The following CNTNAP2 variants were observed in gnomAD, a reference collection of about 807,000 sequenced individuals.
The protein encoded by CNTNAP2 is contactin-associated protein-like 2.
Under a neutral mutation model 155.2 loss-of-function variants are expected in CNTNAP2, and 98 were observed. The ratio of observed to expected loss-of-function variants is 0.63; its 90% CI spans 0.54 to 0.75. The LOEUF is 0.75. Among genes scored for constraint, CNTNAP2 ranks in the 30% least tolerant of loss-of-function variants. The pLI, the probability that CNTNAP2 is intolerant of heterozygous loss-of-function variation, is 0.00. For missense variants in CNTNAP2, 1,727 were observed against 1,688.1 expected (o/e 1.02, Z -0.40); for synonymous variants, 651 against 631.2 (o/e 1.03, Z -0.47).
chr7:147,712,246 A>G (rs1300817223), intron 13 of CNTNAP2, among the ~76,000 whole-genome samples: 2 of 152,194 alleles, frequency 1.3e-5, no homozygotes, highest in African/African-American at 4.8e-5. Flanking sequence ...TCAGGAAACA[A>G]CAGGTGCTGG....
intron 9 of CNTNAP2, among the ~76,000 whole-genome samples, chr7:147,354,175 A>G (rs1796020455): frequency 6.6e-6 from 1 of 151,990 alleles, no homozygotes; most frequent in South Asian, 2.1e-4. Context: ...TTTTGTTGCC[A>G]TTGCTGTTGG....
At chr7:147,910,246 G>T (rs1761785572) in intron 14 of CNTNAP2, among the ~76,000 whole-genome samples, 1 of 152,088 alleles carries the variant, frequency 6.6e-6, no homozygotes. Context: ...CTTACTCAAA[G>T]TGAAATATTT....
At chr7:147,935,034 C>T (rs559862676) in intron 14 of CNTNAP2, among the ~76,000 whole-genome samples, 21 of 150,986 alleles carry the variant, frequency 1.4e-4, no homozygotes, top group South Asian at 6.3e-4. Flanking sequence ...GTTTTAGATA[C>T]GTCCTTTGGT....
chr7:148,368,819 C>T (rs1798831713), intron 21 of CNTNAP2, among the ~76,000 whole-genome samples: 1 of 152,058 alleles, frequency 6.6e-6, no homozygotes, highest in South Asian at 2.1e-4. Flanking sequence ...CAGACTGAGA[C>T]AGAACAGACC....
At chr7:146,562,321 T>G (rs1408810083) in intron 1 of CNTNAP2, among the ~76,000 whole-genome samples, 1 of 152,092 alleles carries the variant, frequency 6.6e-6, no homozygotes, top group African/African-American at 2.4e-5. Context: ...CTCATTTTAT[T>G]GATAGGGTAT....
chr7:147,535,435 C>T (rs1294666276), intron 11 of CNTNAP2, among the ~76,000 whole-genome samples: 3 of 151,798 alleles, frequency 2.0e-5, no homozygotes, highest in Non-Finnish European at 4.4e-5. Context: ...AAGGTGGCCA[C>T]CAGCTGTGTC....
At chr7:146,890,685 G>C (rs946700650) in intron 3 of CNTNAP2, among the ~76,000 whole-genome samples, 4 of 152,056 alleles carry the variant, frequency 2.6e-5, no homozygotes, top group African/African-American at 9.7e-5. Flanking sequence ...ATGTATCTTG[G>C]TATTTACATC....
chr7:148,347,673 T>C (rs1798350541), intron 21 of CNTNAP2, among the ~76,000 whole-genome samples: 1 of 152,048 alleles, frequency 6.6e-6, no homozygotes, highest in African/African-American at 2.4e-5. Context: ...AAAACACATA[T>C]CAGAAATAAG....
chr7:146,832,485 G>T (rs1005450138), intron 2 of CNTNAP2, among the ~76,000 whole-genome samples: 3 of 147,738 alleles, frequency 2.0e-5, no homozygotes, highest in Admixed American at 6.8e-5. Flanking sequence ...TTTATATAAA[G>T]TATAATTTAT....
At chr7:146,492,286 T>C (rs549454311) in intron 1 of CNTNAP2, among the ~76,000 whole-genome samples, 8 of 151,776 alleles carry the variant, frequency 5.3e-5, no homozygotes, top group African/African-American at 1.7e-4. Context: ...CATGAGTAAC[T>C]AATACGATTT....
intron 18 of CNTNAP2, among the ~76,000 whole-genome samples, chr7:148,204,680 G>A (rs926899699): frequency 6.6e-6 from 1 of 152,282 alleles, no homozygotes; most frequent in Admixed American, 6.5e-5. Context: ...AATAATCAGT[G>A]GTTCCTGGTA....
chr7:147,440,487 T>G (rs953542953), intron 10 of CNTNAP2, among the ~76,000 whole-genome samples: 2 of 152,170 alleles, frequency 1.3e-5, no homozygotes, highest in Non-Finnish European at 2.9e-5. Flanking sequence ...TCTTTCTAGT[T>G]AAGATAAAAG....
intron 18 of CNTNAP2, among the ~76,000 whole-genome samples, chr7:148,179,056 A>G (rs549548826): frequency 6.6e-6 from 1 of 152,298 alleles, no homozygotes; most frequent in East Asian, 1.9e-4. Flanking sequence ...GTATGCAGAG[A>G]TTCTGGAAGA....
At chr7:146,794,845 A>C (rs2129189912) in intron 2 of CNTNAP2, among the ~76,000 whole-genome samples, 1 of 152,342 alleles carries the variant, frequency 6.6e-6, no homozygotes, top group African/African-American at 2.4e-5. Flanking sequence ...ATAAAGCAAA[A>C]ATAGGATTTG....
At chr7:146,513,469 C>A (rs1417559333) in intron 1 of CNTNAP2, among the ~76,000 whole-genome samples, 2 of 151,800 alleles carry the variant, frequency 1.3e-5, no homozygotes, top group East Asian at 3.9e-4. Flanking sequence ...GTCTCTTATA[C>A]CATGAAGCTT....
chr7:148,318,254 G>A (rs762388249), intron 21 of CNTNAP2, among the ~76,000 whole-genome samples: 8 of 152,072 alleles, frequency 5.3e-5, no homozygotes, highest in East Asian at 1.9e-4. Context: ...CCATCAAACC[G>A]CCCCCTGCAG....
At chr7:147,985,086 G>T (rs1801593583) in intron 15 of CNTNAP2, among the ~76,000 whole-genome samples, 1 of 151,520 alleles carries the variant, frequency 6.6e-6, no homozygotes, top group Admixed American at 6.6e-5. Flanking sequence ...TTGTACTCCA[G>T]CCTGGGTGAC....
chr7:146,435,003 C>T (rs2129117851), intron 1 of CNTNAP2, among the ~76,000 whole-genome samples: 1 of 152,160 alleles, frequency 6.6e-6, no homozygotes, highest in East Asian at 1.9e-4. Flanking sequence ...TTGTGCAACT[C>T]AGGAGCCATG....
At chr7:147,864,622 T>A (rs190696221) in intron 13 of CNTNAP2, among the ~76,000 whole-genome samples, 1,906 of 152,282 alleles carry the variant, frequency 0.013, 42 homozygotes, top group African/African-American at 0.043. Flanking sequence ...GTTTTGTAGT[T>A]CTCCTTGAAG....
Sources: allele counts gnomAD v4.1 joint callset (sites outside exome capture counted in the v4.1 genomes callset), GRCh38; gene constraint gnomAD v4.1.1; transcripts MANE v1.5; gene names NCBI Gene and HGNC (gene_info 2026-07-23, HGNC 2026-07-21).